Variants in NPAS3 observed in about 807,000 individuals in gnomAD.
NPAS3 encodes the protein neuronal PAS domain-containing protein 3.
In NPAS3, 14 loss-of-function variants were observed where a neutral mutation model predicts 73.1. That is an observed-to-expected ratio of 0.19 (90% confidence interval 0.13 to 0.30). The LOEUF (loss-of-function observed/expected upper bound fraction) is 0.30. Ranked by LOEUF, NPAS3 falls within the 10% of genes least tolerant of loss-of-function variation. NPAS3 has a pLI of 1.00. For missense variants in NPAS3, 1,096 were observed against 1,250.0 expected, an observed-to-expected ratio of 0.88 and a Z score of 1.86; for synonymous variants, 620 against 541.5, an observed-to-expected ratio of 1.14 and a Z score of -2.01.
intron 4 of NPAS3, among the ~76,000 whole-genome samples, chr14:33,475,999 A>C (rs2051015856): frequency 6.6e-6 from 1 of 152,202 alleles, no homozygotes; most frequent in African/African-American, 2.4e-5. Flanking sequence ...ATTTACTAGT[A>C]AGCCATGGCT....
chr14:33,727,935 G>C (rs766252067), intron 6 of NPAS3, among the ~76,000 whole-genome samples: 4 of 152,202 alleles, frequency 2.6e-5, no homozygotes, highest in African/African-American at 9.6e-5. Flanking sequence ...GCCTGCTGCA[G>C]AATGGGTCAT....
intron 5 of NPAS3, among the ~76,000 whole-genome samples, chr14:33,636,984 A>G (rs1176835673): frequency 6.6e-6 from 1 of 152,118 alleles, no homozygotes; most frequent in Non-Finnish European, 1.5e-5. Flanking sequence ...TCTATTAGAA[A>G]TGTTACATCT....
intron 1 of NPAS3, among the ~76,000 whole-genome samples, chr14:33,014,656 G>A (rs1185213127): frequency 3.3e-5 from 5 of 152,104 alleles, no homozygotes; most frequent in African/African-American, 1.2e-4. Context: ...GAAAGAGAAG[G>A]TTTGCTTGTT....
At chr14:33,163,623 G>GTTTTTTTT (rs71448290) in intron 2 of NPAS3, among the ~76,000 whole-genome samples, 29 of 110,546 alleles carry the variant, frequency 2.6e-4, no homozygotes, top group Non-Finnish European at 4.9e-4. Flanking sequence ...GTGTTTTGTT[G>GTTTTTTTT]TTTTTTTTTT....
chr14:33,360,998 A>C (rs995148362), intron 3 of NPAS3, among the ~76,000 whole-genome samples: 7 of 152,170 alleles, frequency 4.6e-5, no homozygotes, highest in Non-Finnish European at 1.0e-4. Context: ...GTCAAGGGGA[A>C]GTGTGGGTTC....
chr14:33,290,439 G>C (rs1490661051), intron 3 of NPAS3, among the ~76,000 whole-genome samples: 1 of 152,156 alleles, frequency 6.6e-6, no homozygotes, highest in African/African-American at 2.4e-5. Context: ...TTTTTCTTCT[G>C]TGCAAGTGTA....
chr14:33,003,638 G>A (rs2038888369), intron 1 of NPAS3, among the ~76,000 whole-genome samples: 1 of 152,146 alleles, frequency 6.6e-6, no homozygotes, highest in Non-Finnish European at 1.5e-5. Context: ...GGTTATTTTG[G>A]TTTAGAAGAA....
At chr14:33,172,013 A>C (rs1342455819) in intron 2 of NPAS3, among the ~76,000 whole-genome samples, 1 of 152,206 alleles carries the variant, frequency 6.6e-6, no homozygotes, top group Non-Finnish European at 1.5e-5. Context: ...TCAGTGGAGC[A>C]GTCAGAACAC....
At chr14:33,199,209 G>GGGCT (rs2046513101) in intron 2 of NPAS3, among the ~76,000 whole-genome samples, 1 of 152,212 alleles carries the variant, frequency 6.6e-6, no homozygotes, top group South Asian at 2.1e-4. Context: ...GCGGGCTGAA[G>GGGCT]GGCTCCTCAA....
At chr14:33,449,738 G>A (rs1361408189) in intron 4 of NPAS3, among the ~76,000 whole-genome samples, 2 of 152,096 alleles carry the variant, frequency 1.3e-5, no homozygotes, top group Non-Finnish European at 2.9e-5. Flanking sequence ...CATAGACTTT[G>A]TTTGGATTAC....
intron 3 of NPAS3, among the ~76,000 whole-genome samples, chr14:33,280,977 A>G (rs1220991920): frequency 6.6e-6 from 1 of 152,190 alleles, no homozygotes; most frequent in Non-Finnish European, 1.5e-5. Context: ...CTCCTTATAT[A>G]TACCAAATTC....
intron 2 of NPAS3, among the ~76,000 whole-genome samples, chr14:33,061,561 A>G (rs2138577192): frequency 6.6e-6 from 1 of 152,322 alleles, no homozygotes; most frequent in East Asian, 1.9e-4. Flanking sequence ...GCTTTTGCCT[A>G]TAAATGACTT....
chr14:33,236,566 TG>T (rs1181123181), intron 3 of NPAS3, among the ~76,000 whole-genome samples: 2 of 152,080 alleles, frequency 1.3e-5, no homozygotes, highest in Non-Finnish European at 2.9e-5. Flanking sequence ...AGGTGCAGTG[TG>T]AGTTGCTTAT....
At chr14:33,470,332 C>T (rs780087140) in intron 4 of NPAS3, among the ~76,000 whole-genome samples, 22 of 152,094 alleles carry the variant, frequency 1.4e-4, no homozygotes, top group Non-Finnish European at 2.6e-4. Flanking sequence ...AAATTGGTTC[C>T]GCCAGTTTTG....
At chr14:33,371,425 T>G (rs1268280711) in intron 4 of NPAS3, among the ~76,000 whole-genome samples, 1 of 152,120 alleles carries the variant, frequency 6.6e-6, no homozygotes, top group Non-Finnish European at 1.5e-5. Flanking sequence ...TGTCTGAGAT[T>G]TATGGGATCA....
At chr14:33,049,181 T>C (rs1351411888) in intron 1 of NPAS3, among the ~76,000 whole-genome samples, 2 of 152,254 alleles carry the variant, frequency 1.3e-5, no homozygotes, top group African/African-American at 2.4e-5. Flanking sequence ...TAAATGTTTA[T>C]TGAGTGAGTG....
chr14:33,047,093 A>T (rs2040535640), intron 1 of NPAS3, among the ~76,000 whole-genome samples: 2 of 152,180 alleles, frequency 1.3e-5, no homozygotes. Context: ...CAGAATTGGG[A>T]GTCGTTGGCA....
At chr14:33,110,724 A>G (rs1223659099) in intron 2 of NPAS3, among the ~76,000 whole-genome samples, 2 of 152,206 alleles carry the variant, frequency 1.3e-5, no homozygotes, top group Non-Finnish European at 2.9e-5. Flanking sequence ...TGGGATTCAT[A>G]TGTTGAAAGG....
In NPAS3 at chr14:33,071,718, T is replaced by C. The variant is rs183801357; in HGVS notation, c.140+15724T>C. ...ATAAGGTCTTAATTTTATGTATCAC[T>C]TAAGTGTTAAATTTATACAACCTAG... is the stretch of plus-strand genomic sequence containing the variant. On this transcript the variant is annotated intron_variant, in intron 2 of 11. Transcript: ENST00000356141. 3.3e-5 allele frequency among the ~76,000 whole-genome samples: 5 copies of C among 152,298 alleles called. No homozygotes were observed. The East Asian group carries it at 7.7e-4, about 24-fold the overall frequency.
Sources: allele counts gnomAD v4.1 joint callset (sites outside exome capture counted in the v4.1 genomes callset), GRCh38; gene constraint gnomAD v4.1.1; transcripts MANE v1.5; gene names NCBI Gene and HGNC (gene_info 2026-07-23, HGNC 2026-07-21).